The following SRRD variants were observed in gnomAD, a reference collection of about 807,000 sequenced individuals.
SRRD encodes the protein SRR1-like protein.
A neutral mutation model predicts 30.7 loss-of-function variants in SRRD; 28 were observed. The observed-to-expected ratio is 0.91, with a 90% CI of 0.68 to 1.25. The LOEUF is 1.25. SRRD is among the 50% of genes most tolerant of loss of function. The pLI, the probability that SRRD is intolerant of heterozygous loss-of-function variation, is 0.00. For missense variants in SRRD, 415 were observed against 417.3 expected, an observed-to-expected ratio of 0.99 and a Z score of 0.05; for synonymous variants, 161 against 159.6, an observed-to-expected ratio of 1.01 and a Z score of -0.07.
chr22:26,487,857 G>A (rs2091719583), intron 2 of SRRD, 172 bp from the exon 3 acceptor site: 1 of 686,058 alleles, frequency 1.5e-6, no homozygotes, highest in African/African-American at 1.8e-5. Flanking sequence ...GTGACTGTAT[G>A]TCCAGGCATG....
In SRRD at chr22:26,493,740, T is replaced by G; in HGVS notation, c.*2068T>G. The G allele has an allele frequency of 4.9e-6, 1 of 206,050 alleles. No homozygotes were observed. The highest frequency in any genetic ancestry group is 1.0e-5 in the Non-Finnish European group (1 of 99,660). The allele number at this position is 206,050 out of a possible 1,614,324, so 12.8% of individuals were successfully genotyped here. A position where few individuals can be genotyped will look rare whatever the true frequency, so the allele number is the denominator to read the frequency against. ...GTTTAACAGGTAAAATGGGGCTGATTAAGGCTGAGCAATCACCAAGTGTCA... is the reference window on the plus strand; with the variant it reads ...GTTTAACAGGTAAAATGGGGCTGATGAAGGCTGAGCAATCACCAAGTGTCA... On this transcript the variant is annotated 3_prime_UTR_variant, in exon 7 of 7. Coordinates refer to ENST00000215917, the MANE Select transcript of SRRD (RefSeq NM_001013694.3).
At chr22:26,491,427 T>C (rs779544872) in intron 6 of SRRD, 36 bp from the exon 7 acceptor site, 2 of 1,505,392 alleles carry the variant, frequency 1.3e-6, no homozygotes, top group Non-Finnish European at 1.8e-6. Context: ...TTACTGTGAC[T>C]ATCTGAAGTT....
chr22:26,488,203 T>C lies in SRRD; in HGVS notation c.425T>C (p.Val142Ala). 6.2e-7 allele frequency: 1 copy of C among 1,614,188 alleles called. No homozygotes were observed. Among genetic ancestry groups the C allele is most frequent in the Non-Finnish European group, 8.5e-7 (1 of 1,180,028 alleles). ...LVTGTCHLKC[V>A]CYGIGNFATC... Reference sequence around the variant, plus strand: ...ACAGGAACCTGCCATTTGAAGTGTGTGTGTTACGGCATTGGGAACTTTGCC... The same window carrying C: ...ACAGGAACCTGCCATTTGAAGTGTGCGTGTTACGGCATTGGGAACTTTGCC... Residue 142 changes from valine to alanine, a missense_variant, in exon 3 of 7, where the codon GTG (valine) becomes GCG (alanine). Coordinates refer to ENST00000215917, the MANE Select transcript of SRRD (RefSeq NM_001013694.3).
At position 26,493,914 on chromosome 22, in the gene SRRD, C is replaced by T. The variant is rs1380999020; in HGVS notation, c.*2242C>T. On this transcript the variant is annotated 3_prime_UTR_variant, in exon 7 of 7. Coordinates refer to ENST00000215917, the MANE Select transcript of SRRD (RefSeq NM_001013694.3). ...TCATCTGAATCCAGCTTAAGTCAGT[C>T]TCCACTCAGGGAAGATGCCCCTCTC... The T allele has an allele frequency of 1.2e-5, 6 of 521,466 alleles. No homozygotes were observed. The highest frequency in any genetic ancestry group is 2.1e-5 in the Non-Finnish European group (6 of 289,834). The allele number at this position is 521,466 out of a possible 1,614,324, so 32.3% of individuals were successfully genotyped here. A position where few individuals can be genotyped will look rare whatever the true frequency, so the allele number is the denominator to read the frequency against.
chr22:26,492,141 G>A lies in SRRD; in HGVS notation c.*469G>A, dbSNP rs769013718. ...AAGGTGTAGAGCTGCTTCCCTTCGT[G>A]TCGCTTCCCAATGACGGGCATGAAG... is the stretch of plus-strand genomic sequence containing the variant. On this transcript the variant is annotated 3_prime_UTR_variant, in exon 7 of 7. Transcript: ENST00000215917. 1.1e-5 allele frequency: 17 copies of A among 1,613,664 alleles called. No homozygotes were observed. Among genetic ancestry groups the A allele is most frequent in the Non-Finnish European group, 1.2e-5 (14 of 1,179,900 alleles).
chr22:26,486,851 C>G (rs943081199), intron 2 of SRRD, among the ~76,000 whole-genome samples: 4 of 150,224 alleles, frequency 2.7e-5, no homozygotes, highest in African/African-American at 9.8e-5. Context: ...ATTCTTTTAT[C>G]AAAATTGACC....
rs2032574 is a variant in SRRD at position 26,492,759 on chromosome 22, T to C, written c.*1087T>C. On this transcript the variant is annotated 3_prime_UTR_variant, in exon 7 of 7. Coordinates refer to ENST00000215917, the MANE Select transcript of SRRD (RefSeq NM_001013694.3). ...TAGTACCTTGAAAACATAGGGCCCA[T>C]ACTGGCTTTATTTTTAACCTACCCA... 0.86 allele frequency: 171,735 copies of C among 199,108 alleles called. 74,686 individuals are homozygous for C. Among genetic ancestry groups the C allele is most frequent in the Middle Eastern group, 0.91 (421 of 462 alleles). The allele number at this position is 199,108 out of a possible 1,614,324, so 12.3% of individuals were successfully genotyped here.
intron 5 of SRRD, 34 bp from the exon 6 acceptor site, chr22:26,490,987 GTTTT>G: frequency 2.1e-6 from 3 of 1,448,728 alleles, no homozygotes; most frequent in East Asian, 4.7e-5. Context: ...TAATCATGGT[GTTTT>G]TTTTTTGTTT....
At chr22:26,487,862 G>C in intron 2 of SRRD, 167 bp from the exon 3 acceptor site, 2 of 707,756 alleles carry the variant, frequency 2.8e-6, no homozygotes, top group South Asian at 4.1e-5. Context: ...TGTATGTCCA[G>C]GCATGTTTGG....
intron 5 of SRRD, among the ~76,000 whole-genome samples, chr22:26,490,558 G>GTTTTTTTTTTTTTTTTTTTTTTTTTTT (rs1491237870): frequency 3.9e-5 from 1 of 25,708 alleles, no homozygotes. Flanking sequence ...TGGAATATTT[G>GTTTTTTTTTTTTTTTTTTTTTTTTTTT]CTTTTTTTTT....
Position 26,494,511 on chromosome 22 carries a change from C to T in SRRD, c.*2839C>T, listed in dbSNP as rs931606496. The stretch of plus-strand genomic sequence containing the variant: ...TAAAGTGCCCTTGCATGTAAACTCT[C>T]TGAGCCTCAGCTTCCATGTCTACAC... On this transcript the variant is annotated 3_prime_UTR_variant, in exon 7 of 7. Transcript: ENST00000215917. The T allele has an allele frequency of 1.3e-5, 9 of 715,602 alleles. No individual in the cohort carries two copies. Among genetic ancestry groups the T allele is most frequent in the Non-Finnish European group, 2.1e-5 (9 of 437,080 alleles). 44.3% of individuals were successfully genotyped at this position (715,602 alleles called of 1,614,324 possible).
chr22:26,491,119 G>A, intron 6 of SRRD, 49 bp downstream of exon 6: 1 of 1,566,072 alleles, frequency 6.4e-7, no homozygotes, highest in Non-Finnish European at 8.7e-7. Context: ...GTGAAACTGT[G>A]AAGAATTCTA....
intron 1 of SRRD, among the ~76,000 whole-genome samples, chr22:26,485,151 T>G (rs1206751055): frequency 6.6e-6 from 1 of 152,248 alleles, no homozygotes; most frequent in Admixed American, 6.5e-5. Flanking sequence ...CCCTTGACAC[T>G]GTCACGATCT....
Position 26,491,762 on chromosome 22 carries a change from C to A in SRRD, c.*90C>A. On this transcript the variant is annotated 3_prime_UTR_variant, in exon 7 of 7. Coordinates refer to ENST00000215917, the MANE Select transcript of SRRD (RefSeq NM_001013694.3). Reference sequence around the variant, plus strand: ...TGCTATGGAGGAACTACAGAGAACTCCTTTGCCAGGAAAGAACATCAACTT... The same window carrying A: ...TGCTATGGAGGAACTACAGAGAACTACTTTGCCAGGAAAGAACATCAACTT... 3 of 1,232,838 alleles carry A rather than the reference C, an allele frequency of 2.4e-6. No individual in the cohort carries two copies. The highest frequency in any genetic ancestry group is 3.4e-6 in the Non-Finnish European group (3 of 888,300). 76.4% of individuals were successfully genotyped at this position (1,232,838 alleles called of 1,614,324 possible). A position where few individuals can be genotyped will look rare whatever the true frequency, so the allele number is the denominator to read the frequency against.
rs1020658908 is a variant in SRRD at position 26,492,680 on chromosome 22, G to T, written c.*1008G>T. The T allele has an allele frequency of 3.1e-6, 1 of 327,480 alleles. No individual in the cohort carries two copies. The highest frequency in any genetic ancestry group is 5.8e-6 in the Non-Finnish European group (1 of 172,560). The allele number at this position is 327,480 out of a possible 1,614,324, so 20.3% of individuals were successfully genotyped here. ...ACAGAGAGTCCTCAGCCACTCTTCT[G>T]TTCCCACCTTGCTCTGTAGAGTTTC... is the stretch of plus-strand genomic sequence containing the variant. On this transcript the variant is annotated 3_prime_UTR_variant, in exon 7 of 7. Transcript: ENST00000215917.
rs1921553083 is a variant in SRRD at position 26,493,807 on chromosome 22, G to A, written c.*2135G>A. 2 of 286,466 alleles carry A rather than the reference G, an allele frequency of 7.0e-6. No individual in the cohort carries two copies. Among genetic ancestry groups the A allele is most frequent in the East Asian group, 8.5e-5 (1 of 11,818 alleles). 17.7% of individuals were successfully genotyped at this position (286,466 alleles called of 1,614,324 possible). On this transcript the variant is annotated 3_prime_UTR_variant, in exon 7 of 7. Coordinates refer to ENST00000215917, the MANE Select transcript of SRRD (RefSeq NM_001013694.3). ...CCACACTGTAAGATGCGTCACCTAA[G>A]CAGCATGCTCAGGCATGAATGAGCC...
intron 1 of SRRD, among the ~76,000 whole-genome samples, chr22:26,485,584 C>T (rs2091694277): frequency 6.6e-6 from 1 of 152,164 alleles, no homozygotes; most frequent in Admixed American, 6.5e-5. Context: ...TGAGTACCTG[C>T]TATGTGCCAG....
At position 26,494,621 on chromosome 22, in the gene SRRD, T is replaced by A; in HGVS notation, c.*2949T>A. Reference sequence around the variant, plus strand: ...ATAAAGTGCTTGGAACAGCTTCTGATACATGGCAAATGTCCAATAAATGGT... The same window carrying A: ...ATAAAGTGCTTGGAACAGCTTCTGAAACATGGCAAATGTCCAATAAATGGT... On this transcript the variant is annotated 3_prime_UTR_variant, in exon 7 of 7. Transcript: ENST00000215917. 2 of 937,462 alleles carry A rather than the reference T, an allele frequency of 2.1e-6. No homozygotes were observed. Among genetic ancestry groups the A allele is most frequent in the Non-Finnish European group, 1.6e-6 (1 of 637,662 alleles). 58.1% of individuals were successfully genotyped at this position (937,462 alleles called of 1,614,324 possible).
chr22:26,493,546 T>A lies in SRRD; in HGVS notation c.*1874T>A, dbSNP rs1921498491. ...GCTCCCAAATGTAGAAACATAAATATACTCTCACTTACTTATGATCTAGGC... is the reference window on the plus strand; with the variant it reads ...GCTCCCAAATGTAGAAACATAAATAAACTCTCACTTACTTATGATCTAGGC... On this transcript the variant is annotated 3_prime_UTR_variant, in exon 7 of 7. Transcript: ENST00000215917. 6.5e-6 allele frequency: 1 copy of A among 153,328 alleles called. No homozygotes were observed. Among genetic ancestry groups the A allele is most frequent in the East Asian group, 1.9e-4 (1 of 5,196 alleles). 9.5% of individuals were successfully genotyped at this position (153,328 alleles called of 1,614,324 possible). A position where few individuals can be genotyped will look rare whatever the true frequency, so the allele number is the denominator to read the frequency against.
Sources: allele counts gnomAD v4.1 joint callset (sites outside exome capture counted in the v4.1 genomes callset), GRCh38; gene constraint gnomAD v4.1.1; transcripts MANE v1.5; gene names NCBI Gene and HGNC (gene_info 2026-07-23, HGNC 2026-07-21).